The following SGCD variants were observed in gnomAD, a reference collection of about 807,000 sequenced individuals.
SGCD encodes the protein sarcoglycan delta.
Under a neutral mutation model 36.6 loss-of-function variants are expected in SGCD, and 18 were observed. The observed-to-expected ratio is 0.49, with a 90% CI of 0.34 to 0.73. The LOEUF (loss-of-function observed/expected upper bound fraction) is 0.73. Ranked by LOEUF, SGCD falls within the 30% of genes least tolerant of loss-of-function variation. The pLI is 0.01. For missense variants in SGCD, 387 were observed against 346.7 expected (o/e 1.12, Z -0.92); for synonymous variants, 133 against 130.6 (o/e 1.02, Z -0.12).
At chr5:156,447,286 A>ACTATT (rs1753790557) in intron 3 of SGCD, among the ~76,000 whole-genome samples, 1 of 152,170 alleles carries the variant, frequency 6.6e-6, no homozygotes, top group Non-Finnish European at 1.5e-5. Context: ...CTAATCAGTG[A>ACTATT]CTATTTTGGA....
chr5:156,011,492 G>A (rs1052659679), intron 1 of SGCD, among the ~76,000 whole-genome samples: 4 of 151,844 alleles, frequency 2.6e-5, no homozygotes, highest in Non-Finnish European at 1.5e-5. Context: ...CCAGGCTGGA[G>A]GGCAGTGTCG....
chr5:156,023,227 G>A (rs944090797), intron 1 of SGCD, among the ~76,000 whole-genome samples: 1 of 152,208 alleles, frequency 6.6e-6, no homozygotes, highest in Non-Finnish European at 1.5e-5. Flanking sequence ...CATAGTAGGA[G>A]CTTGATAAAT....
chr5:155,932,576 G>A (rs573817650), intron 1 of SGCD, among the ~76,000 whole-genome samples: 1 of 152,176 alleles, frequency 6.6e-6, no homozygotes, highest in African/African-American at 2.4e-5. Context: ...CTGGTTTTTG[G>A]AGCTATTGTT....
At chr5:155,983,304 G>T (rs1012616081) in intron 1 of SGCD, among the ~76,000 whole-genome samples, 1 of 152,092 alleles carries the variant, frequency 6.6e-6, no homozygotes, top group African/African-American at 2.4e-5. Flanking sequence ...GGGCTCAAAC[G>T]CAGGGCTCTT....
intron 7 of SGCD, among the ~76,000 whole-genome samples, chr5:156,734,259 GATGGGTTTCCTTT>G (rs1756233978): frequency 6.6e-6 from 1 of 151,726 alleles, no homozygotes; most frequent in African/African-American, 2.4e-5. Flanking sequence ...CTGTTAGTCT[GATGGGTTTCCTTT>G]TGTAGGTGAC....
At chr5:156,572,110 A>G (rs919534021) in intron 4 of SGCD, among the ~76,000 whole-genome samples, 2 of 152,260 alleles carry the variant, frequency 1.3e-5, no homozygotes, top group African/African-American at 4.8e-5. Context: ...AATATTCCAC[A>G]GTATGGATAT....
intron 3 of SGCD, among the ~76,000 whole-genome samples, chr5:156,346,778 C>CTTTTTTTTTTTTTTT: frequency 6.6e-6 from 1 of 150,704 alleles, no homozygotes; most frequent in Non-Finnish European, 1.5e-5. Context: ...TTGGGCTTTA[C>CTTTTTTTTTTTTTTT]TTTATTTTTT....
intron 3 of SGCD, among the ~76,000 whole-genome samples, chr5:156,168,581 A>G (rs1763267253): frequency 1.3e-5 from 2 of 152,216 alleles, no homozygotes; most frequent in Non-Finnish European, 2.9e-5. Context: ...AAGGCTCACA[A>G]CACAATTGTT....
intron 3 of SGCD, among the ~76,000 whole-genome samples, chr5:156,353,561 A>T (rs1769357648): frequency 6.6e-6 from 1 of 152,184 alleles, no homozygotes; most frequent in African/African-American, 2.4e-5. Context: ...GGCATTAGTT[A>T]TACTTTTCAT....
chr5:155,840,479 C>CG, the SGCD span, among the ~76,000 whole-genome samples: 4 of 147,600 alleles, frequency 2.7e-5, no homozygotes, highest in Non-Finnish European at 4.5e-5. Context: ...TTAGTAGAGA[C>CG]GGGGTTTCAC....
chr5:155,898,562 T>G (rs895075009), intron 1 of SGCD, among the ~76,000 whole-genome samples: 3 of 152,174 alleles, frequency 2.0e-5, no homozygotes, highest in Non-Finnish European at 4.4e-5. Context: ...GAATATCCAT[T>G]AGATGCTTTT....
chr5:156,195,459 T>C (rs1315157789), intron 3 of SGCD, among the ~76,000 whole-genome samples: 2 of 152,208 alleles, frequency 1.3e-5, no homozygotes, highest in Non-Finnish European at 2.9e-5. Flanking sequence ...TCAACTTTTT[T>C]GTATAATGTT....
intron 3 of SGCD, among the ~76,000 whole-genome samples, chr5:156,390,122 C>T (rs940266857): frequency 4.0e-5 from 6 of 151,802 alleles, no homozygotes; most frequent in African/African-American, 9.7e-5. Flanking sequence ...ATGTATGGTA[C>T]ATAATACATG....
intron 1 of SGCD, among the ~76,000 whole-genome samples, chr5:156,090,944 T>C (rs1761226629): frequency 6.6e-6 from 1 of 152,228 alleles, no homozygotes; most frequent in Admixed American, 6.5e-5. Flanking sequence ...ACCTTATGGT[T>C]ATTTTTCCTT....
chr5:155,803,210 T>C, the SGCD span, among the ~76,000 whole-genome samples: 112 of 152,322 alleles, frequency 7.4e-4, 1 homozygote, highest in East Asian at 0.019. Flanking sequence ...GCAGAGGGAA[T>C]TTAATGATAC....
intron 3 of SGCD, among the ~76,000 whole-genome samples, chr5:156,132,354 G>A (rs1164057076): frequency 2.0e-5 from 3 of 151,388 alleles, no homozygotes; most frequent in Non-Finnish European, 4.4e-5. Flanking sequence ...ATATTCATGT[G>A]GATCACTTTT....
intron 1 of SGCD, among the ~76,000 whole-genome samples, chr5:156,039,342 T>C (rs1296925843): frequency 6.6e-6 from 1 of 152,202 alleles, no homozygotes; most frequent in Non-Finnish European, 1.5e-5. Context: ...TGCTGTTTGC[T>C]ATTTTTATCT....
At chr5:156,678,872 T>G (rs1183607321) in intron 7 of SGCD, among the ~76,000 whole-genome samples, 1 of 152,178 alleles carries the variant, frequency 6.6e-6, no homozygotes, top group Non-Finnish European at 1.5e-5. Flanking sequence ...TTTCCACACC[T>G]GAGAAACCCA....
chr5:156,325,528 T>C (rs981641106), upstream of SGCD, among the ~76,000 whole-genome samples: 4 of 152,146 alleles, frequency 2.6e-5, no homozygotes, highest in African/African-American at 4.8e-5. Context: ...CCAGGGTTTA[T>C]AGTCAGTAAG....
Sources: gnomAD v4.1 joint callset for allele counts (sites outside exome capture counted in the v4.1 genomes callset) on GRCh38, gnomAD v4.1.1 for gene constraint, MANE v1.5 for transcripts, NCBI Gene and HGNC (gene_info 2026-07-23, HGNC 2026-07-21) for gene names.